Variants in CDH20 observed in about 807,000 individuals in gnomAD.
The protein encoded by CDH20 is cadherin 20.
In CDH20, 29 loss-of-function variants were observed where a neutral mutation model predicts 74.2. The ratio of observed to expected loss-of-function variants is 0.39; its 90% CI spans 0.29 to 0.53. The LOEUF is 0.53. CDH20 is among the 20% of genes least tolerant of loss of function. The pLI, the probability that CDH20 is intolerant of heterozygous loss-of-function variation, is 0.69. For missense variants in CDH20, 988 were observed against 1,048.3 expected (o/e 0.94, Z 0.79); for synonymous variants, 469 against 405.4 (o/e 1.16, Z -1.88).
chr18:61,404,225 A>C (rs533138492), intron 1 of CDH20, among the ~76,000 whole-genome samples: 1 of 152,354 alleles, frequency 6.6e-6, no homozygotes, highest in East Asian at 1.9e-4. Flanking sequence ...TTAAAATAAA[A>C]TTCAATTGAA....
intron 1 of CDH20, among the ~76,000 whole-genome samples, chr18:61,371,702 G>A (rs967172432): frequency 6.6e-6 from 1 of 152,008 alleles, no homozygotes; most frequent in South Asian, 2.1e-4. Flanking sequence ...AGCTCATTAG[G>A]AGTTAGAGAA....
chr18:61,453,258 T>G (rs1365621384), intron 1 of CDH20, among the ~76,000 whole-genome samples: 1 of 152,134 alleles, frequency 6.6e-6, no homozygotes, highest in Non-Finnish European at 1.5e-5. Context: ...AGGAACCACA[T>G]GAGGCCTAAT....
chr18:61,533,476 T>C (rs1912718934), intron 7 of CDH20, among the ~76,000 whole-genome samples: 1 of 152,200 alleles, frequency 6.6e-6, no homozygotes, highest in Non-Finnish European at 1.5e-5. Flanking sequence ...TAATTACTGG[T>C]CTTTTAAAAA....
intron 1 of CDH20, among the ~76,000 whole-genome samples, chr18:61,340,292 A>G (rs1313021683): frequency 1.5e-5 from 2 of 134,466 alleles, no homozygotes; most frequent in African/African-American, 5.5e-5. Flanking sequence ...CCCAGAGAAC[A>G]GTACATAGTG....
chr18:61,512,023 C>T (rs866414872), intron 6 of CDH20, among the ~76,000 whole-genome samples: 1 of 152,174 alleles, frequency 6.6e-6, no homozygotes, highest in African/African-American at 2.4e-5. Context: ...CGCCCATCTT[C>T]CCACTTTGTC....
At chr18:61,338,462 C>T (rs147973114) in intron 1 of CDH20, among the ~76,000 whole-genome samples, 57 of 152,238 alleles carry the variant, frequency 3.7e-4, no homozygotes, top group African/African-American at 1.3e-3. Context: ...CAAAACATTA[C>T]TCAAGTGCAA....
At chr18:61,413,714 T>TAA (rs554425799) in intron 1 of CDH20, among the ~76,000 whole-genome samples, 3 of 144,074 alleles carry the variant, frequency 2.1e-5, no homozygotes, top group African/African-American at 7.6e-5. Flanking sequence ...GTGGAAATGT[T>TAA]AAAAAAAAAA....
rs1446481624 is a variant in CDH20, at chr18:61,536,645, A to C, written c.1408+16A>C. On this transcript the variant is annotated intron_variant, in intron 8 of 11. Transcript: ENST00000262717. ...ATGGAAATGAGTAAGTAGCACAGTA[A>C]GTTGGTCTCCATGCAGTGACAAAAT... The C allele has an allele frequency of 6.2e-7, 1 of 1,612,448 alleles. No individual in the cohort carries two copies. The highest frequency in any genetic ancestry group is 8.5e-7 in the Non-Finnish European group (1 of 1,178,724).
chr18:61,514,491 C>G (rs1314711135), intron 6 of CDH20, among the ~76,000 whole-genome samples: 2 of 152,176 alleles, frequency 1.3e-5, no homozygotes, highest in African/African-American at 4.8e-5. Flanking sequence ...AAGCCTTCTT[C>G]TCTCAGCTCG....
intron 2 of CDH20, among the ~76,000 whole-genome samples, chr18:61,497,135 T>C (rs1911198089): frequency 6.8e-6 from 1 of 147,050 alleles, no homozygotes; most frequent in South Asian, 2.2e-4. Context: ...AAAAAGAAAA[T>C]ACTGTATACG....
rs145236065 is a variant in CDH20 at position 61,538,345 on chromosome 18, G to A, written c.1409-679G>A. 8.5e-5 allele frequency among the ~76,000 whole-genome samples: 13 copies of A among 152,124 alleles called. No individual in the cohort carries two copies. The East Asian group carries it at 2.1e-3, about 25-fold the overall frequency. ...CCAAGACTTGAAGTCTGAGCCAAATGGGAGACTGAAAACCTCTTTTTAAGA... is the reference window on the plus strand; with the variant it reads ...CCAAGACTTGAAGTCTGAGCCAAATAGGAGACTGAAAACCTCTTTTTAAGA... On this transcript the variant is annotated intron_variant, in intron 8 of 11. Coordinates refer to ENST00000262717, the MANE Select transcript of CDH20 (RefSeq NM_031891.4).
Position 61,418,713 on chromosome 18 carries a change from A to G in CDH20, c.-152-71689A>G, listed in dbSNP as rs1054259826. Among the ~76,000 whole-genome samples the G allele has an allele frequency of 3.3e-5, 5 of 152,232 alleles. No individual in the cohort carries two copies. The East Asian group carries it at 9.7e-4, about 29-fold the overall frequency. ...TCTATTCACTCAGTTTTATTTATTT[A>G]TAACTTCCACTTATTGGTTCTTATA... On this transcript the variant is annotated intron_variant, in intron 1 of 11. Transcript: ENST00000262717.
At chr18:61,389,668 G>A (rs1273974071) in intron 1 of CDH20, among the ~76,000 whole-genome samples, 2 of 152,198 alleles carry the variant, frequency 1.3e-5, no homozygotes, top group Non-Finnish European at 2.9e-5. Flanking sequence ...TGAAATGGAT[G>A]AATAATTAGT....
intron 6 of CDH20, among the ~76,000 whole-genome samples, chr18:61,512,818 T>G (rs997310278): frequency 1.3e-4 from 20 of 152,092 alleles, no homozygotes; most frequent in African/African-American, 4.8e-4. Flanking sequence ...CGGTTTTGAG[T>G]GAGATTCTTA....
At chr18:61,523,286 A>G (rs1912275261) in intron 6 of CDH20, among the ~76,000 whole-genome samples, 1 of 152,200 alleles carries the variant, frequency 6.6e-6, no homozygotes, top group South Asian at 2.1e-4. Context: ...TCAAAAGAAG[A>G]CATTTATGCA....
intron 1 of CDH20, among the ~76,000 whole-genome samples, chr18:61,439,334 T>A (rs1305616735): frequency 6.6e-6 from 1 of 152,172 alleles, no homozygotes; most frequent in Non-Finnish European, 1.5e-5. Context: ...TATATATTCA[T>A]TTTTAACAAA....
rs750206912 is a variant in CDH20 at position 61,536,554 on chromosome 18, G to T, written c.1333G>T (p.Ala445Ser). The T allele has an allele frequency of 8.7e-6, 14 of 1,613,150 alleles. No individual in the cohort carries two copies. In the Admixed American group the frequency reaches 1.5e-4, roughly 17 times the overall value. Reference sequence around the variant, plus strand: ...TTTCTATGTTGACATTACAACAGGTGCCCTAATGACAGCAAGACCCCTAGA... The same window carrying T: ...TTTCTATGTTGACATTACAACAGGTTCCCTAATGACAGCAAGACCCCTAGA... ...RFFYVDITTG[A>S]LMTARPLDRE... The change falls in exon 8 of 12, where the codon GCC becomes TCC. Residue 445 changes from alanine to serine, a missense_variant. Physicochemically the swap from Ala to Ser is moderately conservative, Grantham distance 99. Coordinates refer to ENST00000262717, the MANE Select transcript of CDH20 (RefSeq NM_031891.4).
intron 1 of CDH20, among the ~76,000 whole-genome samples, chr18:61,339,131 T>A (rs556061250): frequency 3.7e-4 from 56 of 152,082 alleles, no homozygotes; most frequent in Middle Eastern, 6.8e-3. Flanking sequence ...GTGAGGGGGG[T>A]GAGAAAGTAG....
At chr18:61,404,095 A>G (rs543365281) in intron 1 of CDH20, among the ~76,000 whole-genome samples, 10 of 152,356 alleles carry the variant, frequency 6.6e-5, no homozygotes, top group Admixed American at 6.5e-4. Flanking sequence ...CAAGGAGAGC[A>G]TCAGGATAAA....
Sources: gnomAD v4.1 joint callset for allele counts (sites outside exome capture counted in the v4.1 genomes callset) on GRCh38, gnomAD v4.1.1 for gene constraint, MANE v1.5 for transcripts, NCBI Gene and HGNC (gene_info 2026-07-23, HGNC 2026-07-21) for gene names.